The following NRXN3 variants were observed in gnomAD, a reference collection of about 807,000 sequenced individuals.
NRXN3 encodes neurexin 3.
NRXN3 carries 32 observed loss-of-function variants against 137.6 expected under a neutral mutation model. The ratio of observed to expected loss-of-function variants is 0.23; its 90% CI spans 0.18 to 0.31. The LOEUF (loss-of-function observed/expected upper bound fraction) is 0.31. NRXN3 is among the 10% of genes least tolerant of loss of function. The pLI, the probability that NRXN3 is intolerant of heterozygous loss-of-function variation, is 1.00. For synonymous variants in NRXN3, 798 were observed against 784.5 expected, an observed-to-expected ratio of 1.02 and a Z score of -0.29; for missense variants, 1,574 against 2,062.5, an observed-to-expected ratio of 0.76 and a Z score of 4.59.
chr14:79,403,895 T>C (rs1297820896), intron 15 of NRXN3, among the ~76,000 whole-genome samples: 1 of 151,830 alleles, frequency 6.6e-6, no homozygotes. Flanking sequence ...GAATGAAAAA[T>C]TTTTCTTTGC....
rs572805336 is a variant in NRXN3, at chr14:79,761,631, T to A, written c.4015-43481T>A. On this transcript the variant is annotated intron_variant, in intron 19 of 20. Transcript: ENST00000335750. ...TGGCGTGAACCCGGGAGGCGGAGCT[T>A]GCCAAGATGGCACCACTGCACTCCA... Among the ~76,000 whole-genome samples the A allele has an allele frequency of 5.8e-5, 8 of 138,082 alleles. No individual in the cohort carries two copies. In the South Asian group the frequency reaches 1.5e-3, roughly 27 times the overall value. 90.6% of individuals were successfully genotyped at this position (138,082 alleles called of 152,430 possible).
intron 16 of NRXN3, among the ~76,000 whole-genome samples, chr14:79,616,673 A>G (rs1256242453): frequency 6.6e-6 from 1 of 152,144 alleles, no homozygotes; most frequent in African/African-American, 2.4e-5. Context: ...AAAAGTTTAA[A>G]AAAATAGAAT....
intron 15 of NRXN3, among the ~76,000 whole-genome samples, chr14:79,252,326 A>G (rs1199063753): frequency 6.6e-6 from 1 of 152,168 alleles, no homozygotes; most frequent in Non-Finnish European, 1.5e-5. Flanking sequence ...CAGCCTTACA[A>G]CTGGAATCTA....
intron 8 of NRXN3, among the ~76,000 whole-genome samples, chr14:78,743,102 A>C (rs1426930007): frequency 6.6e-6 from 1 of 152,202 alleles, no homozygotes; most frequent in East Asian, 1.9e-4. Context: ...GTCAAACATC[A>C]AAGCAAAAAA....
chr14:79,258,833 A>G (rs2077137665), intron 15 of NRXN3, among the ~76,000 whole-genome samples: 1 of 152,218 alleles, frequency 6.6e-6, no homozygotes, highest in South Asian at 2.1e-4. Flanking sequence ...AGAAACAGAT[A>G]GGCAGAGAAA....
At chr14:79,847,422 T>G (rs1186345743) in intron 20 of NRXN3, among the ~76,000 whole-genome samples, 1 of 152,204 alleles carries the variant, frequency 6.6e-6, no homozygotes, top group African/African-American at 2.4e-5. Flanking sequence ...TATTCCTTTT[T>G]TGGCAAGAGA....
chr14:79,841,334 C>T (rs2099355403), intron 20 of NRXN3, among the ~76,000 whole-genome samples: 1 of 151,480 alleles, frequency 6.6e-6, no homozygotes. Flanking sequence ...AACTTACCGG[C>T]CCTATAGAGA....
intron 4 of NRXN3, among the ~76,000 whole-genome samples, chr14:78,372,109 TC>T (rs2086942732): frequency 6.6e-6 from 1 of 151,926 alleles, no homozygotes; most frequent in South Asian, 2.1e-4. Flanking sequence ...TTATTTTCTT[TC>T]TTTTTTTTTA....
At chr14:79,178,647 C>T (rs1293910348) in intron 15 of NRXN3, among the ~76,000 whole-genome samples, 1 of 152,174 alleles carries the variant, frequency 6.6e-6, no homozygotes, top group Non-Finnish European at 1.5e-5. Flanking sequence ...AATTTAAGTA[C>T]ATGCTGTTAG....
At chr14:79,293,936 A>T (rs1418107037) in intron 15 of NRXN3, among the ~76,000 whole-genome samples, 2 of 152,260 alleles carry the variant, frequency 1.3e-5, no homozygotes, top group African/African-American at 4.8e-5. Context: ...ATTGAAGTAT[A>T]AATCAGTCAA....
intron 8 of NRXN3, among the ~76,000 whole-genome samples, chr14:78,793,759 A>G (rs925632598): frequency 8.5e-5 from 13 of 152,154 alleles, no homozygotes; most frequent in African/African-American, 3.1e-4. Flanking sequence ...GCAAGTGTTC[A>G]TCATAAATTA....
At chr14:78,982,159 T>A (rs2099491029) in intron 14 of NRXN3, among the ~76,000 whole-genome samples, 1 of 152,206 alleles carries the variant, frequency 6.6e-6, no homozygotes, top group Non-Finnish European at 1.5e-5. Flanking sequence ...TTATGTGAGC[T>A]CTTATTGGTA....
intron 2 of NRXN3, among the ~76,000 whole-genome samples, 166 bp from the exon 3 acceptor site, chr14:78,278,479 T>C (rs1214411122): frequency 2.6e-5 from 4 of 152,076 alleles, no homozygotes; most frequent in African/African-American, 2.4e-5. Flanking sequence ...TGGGTGAAGG[T>C]GGAACTAAGT....
intron 10 of NRXN3, among the ~76,000 whole-genome samples, chr14:78,825,897 C>A (rs1474027184): frequency 6.6e-6 from 1 of 152,180 alleles, no homozygotes; most frequent in East Asian, 1.9e-4. Flanking sequence ...TCCTCCTCTA[C>A]CAAAGTCACA....
chr14:79,605,768 G>A (rs568813159), intron 16 of NRXN3, among the ~76,000 whole-genome samples: 1 of 152,296 alleles, frequency 6.6e-6, no homozygotes, highest in South Asian at 2.1e-4. Context: ...GGGATTATAG[G>A]CATGAACCAC....
intron 11 of NRXN3, among the ~76,000 whole-genome samples, chr14:78,962,109 A>C (rs61995265): frequency 0.22 from 33,355 of 152,068 alleles, 5,998 homozygotes; most frequent in African/African-American, 0.47. Context: ...AGGAATAAGT[A>C]AAACCTTTTT....
chr14:78,594,694 G>A (rs57222734), intron 4 of NRXN3, among the ~76,000 whole-genome samples: 2,100 of 152,186 alleles, frequency 0.014, 41 homozygotes, highest in African/African-American at 0.049. Context: ...GGCAATGTCC[G>A]CTACGAAGGA....
chr14:79,719,192 ATTTAGTGTTCTC>A (rs995483484), intron 19 of NRXN3, among the ~76,000 whole-genome samples: 4 of 151,826 alleles, frequency 2.6e-5, no homozygotes, highest in African/African-American at 9.7e-5. Context: ...TTTGGACATC[ATTTAGTGTTCTC>A]ATTTTCCACT....
chr14:78,879,028 G>A (rs1010734692), intron 10 of NRXN3, among the ~76,000 whole-genome samples: 9 of 152,078 alleles, frequency 5.9e-5, no homozygotes, highest in Admixed American at 1.3e-4. Flanking sequence ...TACAAATTAG[G>A]AGATTTTTAT....
Sources: gnomAD v4.1 joint callset for allele counts (sites outside exome capture counted in the v4.1 genomes callset) on GRCh38, gnomAD v4.1.1 for gene constraint, MANE v1.5 for transcripts, NCBI Gene and HGNC (gene_info 2026-07-23, HGNC 2026-07-21) for gene names.